The following CAMK2D variants were observed in gnomAD, a reference collection of about 807,000 sequenced individuals.
CAMK2D encodes the protein calcium/calmodulin-dependent protein kinase type II subunit delta.
A neutral mutation model predicts 84.0 loss-of-function variants in CAMK2D; 37 were observed. The ratio of observed to expected loss-of-function variants is 0.44; its 90% CI spans 0.34 to 0.58. The LOEUF (loss-of-function observed/expected upper bound fraction) is 0.58, where lower values mean the gene tolerates loss of function less well. CAMK2D is among the 20% of genes least tolerant of loss of function. The pLI, the probability that CAMK2D is intolerant of heterozygous loss-of-function variation, is 0.02. For synonymous variants in CAMK2D, 202 were observed against 212.5 expected (o/e 0.95, Z 0.43); for missense variants, 448 against 652.5 (o/e 0.69, Z 3.41).
chr4:113,656,686 C>G (rs1032122831), intron 3 of CAMK2D, among the ~76,000 whole-genome samples: 2 of 152,116 alleles, frequency 1.3e-5, no homozygotes, highest in African/African-American at 4.8e-5. Flanking sequence ...GGTTTCCCTA[C>G]TTTTCCCCTA....
In CAMK2D at chr4:113,761,179, T is replaced by C. The variant is rs1385451807; in HGVS notation, c.-111A>G. 6 of 1,589,986 alleles carry C rather than the reference T, an allele frequency of 3.8e-6. No homozygotes were observed. The highest frequency in any genetic ancestry group is 5.1e-6 in the Non-Finnish European group (6 of 1,172,794). ...CGCTGTCACCCAGGGCCGCTCTTACTTTCCTGGTCCGAAAGTAGCTCGCCC... is the reference window on the plus strand; with the variant it reads ...CGCTGTCACCCAGGGCCGCTCTTACCTTCCTGGTCCGAAAGTAGCTCGCCC... On this transcript the variant is annotated 5_prime_UTR_variant, in exon 1 of 21. Coordinates refer to ENST00000511664, the MANE Select transcript of CAMK2D (RefSeq NM_001321571.2).
intron 14 of CAMK2D, 56 bp from the exon 15 acceptor site, chr4:113,503,033 C>A: frequency 7.9e-7 from 1 of 1,263,114 alleles, no homozygotes; most frequent in South Asian, 1.2e-5. Context: ...TACATTCTTT[C>A]TAGTGTGAAG....
chr4:113,466,238 CAA>C (rs2097462163), intron 16 of CAMK2D, among the ~76,000 whole-genome samples: 1 of 150,228 alleles, frequency 6.7e-6, no homozygotes, highest in South Asian at 2.1e-4. Context: ...GCCTGGGCAA[CAA>C]GAGCAAAACT....
intron 7 of CAMK2D, 102 bp downstream of exon 7, chr4:113,537,239 G>T: frequency 1.6e-6 from 1 of 619,816 alleles, no homozygotes; most frequent in East Asian, 2.8e-5. Context: ...ATTGTTATTA[G>T]GATGAAGTTT....
chr4:113,610,862 C>T (rs1466924924), intron 3 of CAMK2D, among the ~76,000 whole-genome samples: 2 of 152,114 alleles, frequency 1.3e-5, no homozygotes, highest in African/African-American at 4.8e-5. Context: ...TTCCCTTCTT[C>T]AGTATATAGT....
intron 3 of CAMK2D, among the ~76,000 whole-genome samples, chr4:113,610,910 TAA>T (rs2098997416): frequency 6.6e-6 from 1 of 152,178 alleles, no homozygotes; most frequent in African/African-American, 2.4e-5. Context: ...CCATATTTTA[TAA>T]GTCTTGCATC....
At chr4:113,469,123 A>G (rs757949087) in intron 16 of CAMK2D, among the ~76,000 whole-genome samples, 17 of 152,226 alleles carry the variant, frequency 1.1e-4, no homozygotes. Flanking sequence ...GGCCTGGAAG[A>G]GTAAGATAAG....
chr4:113,647,412 T>G (rs959417453), intron 3 of CAMK2D, among the ~76,000 whole-genome samples: 13 of 152,254 alleles, frequency 8.5e-5, no homozygotes, highest in Non-Finnish European at 1.6e-4. Flanking sequence ...AAAAGAAAAT[T>G]GCATGGCCCC....
intron 20 of CAMK2D, 27 bp from the exon 21 acceptor site, chr4:113,454,542 ATAAAT>A (rs750834712): frequency 3.3e-5 from 26 of 777,232 alleles, no homozygotes; most frequent in Non-Finnish European, 5.3e-5. Flanking sequence ...GGAGGAAGAA[ATAAAT>A]TATATTGTTT....
At chr4:113,743,526 T>G (rs1396643823) in intron 2 of CAMK2D, among the ~76,000 whole-genome samples, 2 of 152,146 alleles carry the variant, frequency 1.3e-5, no homozygotes, top group African/African-American at 4.8e-5. Flanking sequence ...TTTCTCTTCT[T>G]CTCAGCAGAA....
intron 2 of CAMK2D, among the ~76,000 whole-genome samples, chr4:113,735,288 G>GA (rs2099578330): frequency 5.1e-5 from 3 of 58,956 alleles, no homozygotes; most frequent in African/African-American, 1.7e-4. Flanking sequence ...CATCTCTACA[G>GA]GAAAAAAAAA....
At chr4:113,718,975 TA>T (rs911735070) in intron 2 of CAMK2D, among the ~76,000 whole-genome samples, 7 of 151,982 alleles carry the variant, frequency 4.6e-5, no homozygotes, top group Non-Finnish European at 1.0e-4. Context: ...AAATCTAAAT[TA>T]AAAATGAATG....
At chr4:113,729,911 T>A (rs969336982) in intron 2 of CAMK2D, among the ~76,000 whole-genome samples, 1 of 152,154 alleles carries the variant, frequency 6.6e-6, no homozygotes, top group Admixed American at 6.6e-5. Flanking sequence ...AGGGATTTGA[T>A]CTTGGACTTT....
chr4:113,559,757 A>C (rs1289867474), intron 4 of CAMK2D, among the ~76,000 whole-genome samples: 1 of 152,266 alleles, frequency 6.6e-6, no homozygotes, highest in Non-Finnish European at 1.5e-5. Context: ...GGTCATCAGA[A>C]AAATGAGCAT....
chr4:113,649,154 G>A (rs1344368310), intron 3 of CAMK2D, among the ~76,000 whole-genome samples: 1 of 152,034 alleles, frequency 6.6e-6, no homozygotes, highest in Non-Finnish European at 1.5e-5. Context: ...CCATTGCTAT[G>A]GTTGAGGAAC....
intron 2 of CAMK2D, among the ~76,000 whole-genome samples, chr4:113,755,456 T>C (rs1180462884): frequency 1.3e-5 from 2 of 151,966 alleles, no homozygotes; most frequent in Admixed American, 6.6e-5. Context: ...TTTAACCCTA[T>C]ACTATAATGT....
intron 4 of CAMK2D, among the ~76,000 whole-genome samples, chr4:113,561,691 G>A (rs1003524171): frequency 2.0e-5 from 3 of 152,136 alleles, no homozygotes; most frequent in Non-Finnish European, 4.4e-5. Context: ...TAACAGAAAC[G>A]ATGCTTTCTG....
chr4:113,523,839 ATC>A (rs1483237817), intron 8 of CAMK2D, among the ~76,000 whole-genome samples: 1 of 142,158 alleles, frequency 7.0e-6, no homozygotes, highest in African/African-American at 2.9e-5. Context: ...CATAAAACAG[ATC>A]TTTTTTTTTG....
intron 6 of CAMK2D, among the ~76,000 whole-genome samples, chr4:113,543,911 C>T (rs916427845): frequency 1.3e-5 from 2 of 152,040 alleles, no homozygotes; most frequent in African/African-American, 2.4e-5. Context: ...CCTGCCTCAG[C>T]CTCCCGAGTA....
Sources: gnomAD v4.1 joint callset for allele counts (sites outside exome capture counted in the v4.1 genomes callset) on GRCh38, gnomAD v4.1.1 for gene constraint, MANE v1.5 for transcripts, NCBI Gene and HGNC (gene_info 2026-07-23, HGNC 2026-07-21) for gene names.